Variants in LMF1 observed in about 807,000 individuals in gnomAD.
The protein encoded by LMF1 is transmembrane protein 112.
LMF1 carries 68 observed loss-of-function variants against 60.6 expected under a neutral mutation model. That is an observed-to-expected ratio of 1.12 (90% CI 0.92 to 1.37). The LOEUF is 1.37. Among genes scored for constraint, LMF1 ranks in the 40% most tolerant of loss-of-function variants. LMF1 has a pLI of 0.00. For missense variants in LMF1, 948 were observed against 767.2 expected (o/e 1.24, Z -2.78); for synonymous variants, 418 against 324.7 (o/e 1.29, Z -3.09).
intron 3 of LMF1, chr16:934,041 G>A (rs1215839148): frequency 6.6e-7 from 1 of 1,509,944 alleles, no homozygotes; most frequent in African/African-American, 1.4e-5. Flanking sequence ...TAGGTGCCCG[G>A]GGCCTGGAAG....
At chr16:857,223 C>T (rs1300715746) in intron 10 of LMF1, among the ~76,000 whole-genome samples, 1 of 152,240 alleles carries the variant, frequency 6.6e-6, no homozygotes, top group South Asian at 2.1e-4. Context: ...CCGTAAACCT[C>T]TGCACGGGTT....
upstream of LMF1, among the ~76,000 whole-genome samples, chr16:975,194 A>G (rs1470686205): frequency 6.6e-6 from 1 of 152,194 alleles, no homozygotes; most frequent in African/African-American, 2.4e-5. Flanking sequence ...CCTGCACCCC[A>G]GAAGGAGATG....
At chr16:860,215 C>G (rs576395570) in intron 10 of LMF1, among the ~76,000 whole-genome samples, 19 of 148,212 alleles carry the variant, frequency 1.3e-4, no homozygotes, top group Admixed American at 7.4e-4. Flanking sequence ...CTTAACAGGT[C>G]TTTTTATGGA....
intron 4 of LMF1, among the ~76,000 whole-genome samples, chr16:904,611 GT>G (rs1489991687): frequency 2.4e-3 from 115 of 46,988 alleles, no homozygotes; most frequent in African/African-American, 4.5e-3. Context: ...CTGCTGCGTG[GT>G]GGTGACCTCT....
chr16:907,998 T>TAGC (rs1281547748), intron 4 of LMF1, among the ~76,000 whole-genome samples: 2 of 152,244 alleles, frequency 1.3e-5, no homozygotes, highest in African/African-American at 2.4e-5. Context: ...TACAACCGCC[T>TAGC]GGCGGCTCCT....
intron 3 of LMF1, among the ~76,000 whole-genome samples, chr16:913,568 G>C (rs2071183321): frequency 6.6e-6 from 1 of 152,242 alleles, no homozygotes. Flanking sequence ...AGGCACAGCT[G>C]GGCACTGGTG....
At chr16:871,519 C>T (rs1958947269) in intron 6 of LMF1, 178 bp from the exon 7 acceptor site, 2 of 632,398 alleles carry the variant, frequency 3.2e-6, no homozygotes, top group South Asian at 3.9e-5. Context: ...GAGGGGACAG[C>T]AGATGCCTCA....
intron 1 of LMF1, among the ~76,000 whole-genome samples, chr16:959,380 G>A (rs575924803): frequency 3.3e-5 from 5 of 152,280 alleles, no homozygotes; most frequent in South Asian, 2.1e-4. Context: ...CCAGAGGGAC[G>A]GGAGACAGAC....
In LMF1 at chr16:936,910, T is replaced by G. The variant is rs546576957; in HGVS notation, c.504-2656A>C. Among the ~76,000 whole-genome samples, 18 of 152,294 alleles carry G rather than the reference T, an allele frequency of 1.2e-4. No homozygotes were observed. The South Asian group carries it at 3.7e-3, about 32-fold the overall frequency. On this transcript the variant is annotated intron_variant, in intron 2 of 10. Transcript: ENST00000262301. ...TAAGCCCAGGAGTTCCAGGCTGCAG[T>G]GAGCCAAGATCGCGCTACTATTGCA...
At chr16:859,486 G>C (rs1596832342) in intron 10 of LMF1, among the ~76,000 whole-genome samples, 2 of 99,246 alleles carry the variant, frequency 2.0e-5, no homozygotes, top group Non-Finnish European at 3.8e-5. Context: ...GGGTGTGAGT[G>C]GTGTCTCGGG....
At chr16:957,625 A>G (rs1343421766) in intron 1 of LMF1, among the ~76,000 whole-genome samples, 4 of 113,954 alleles carry the variant, frequency 3.5e-5, no homozygotes, top group Non-Finnish European at 5.6e-5. Context: ...TAAAAAGCCA[A>G]AATCATCTGG....
At chr16:876,253 G>A (rs1596879240) in intron 6 of LMF1, among the ~76,000 whole-genome samples, 1 of 152,268 alleles carries the variant, frequency 6.6e-6, no homozygotes, top group Non-Finnish European at 1.5e-5. Flanking sequence ...AGGGCAGGAA[G>A]CCAGTCCGCA....
chr16:899,208 C>CCGGAGGT (rs2070742795), intron 4 of LMF1: 1 of 152,242 alleles, frequency 6.6e-6, no homozygotes, highest in Non-Finnish European at 1.5e-5. Flanking sequence ...GCCAAAAACG[C>CCGGAGGT]CGGAGGTCGG....
In LMF1 at chr16:962,477, G is replaced by A. The variant is rs1409138588; in HGVS notation, c.194-7811C>T. On this transcript the variant is annotated intron_variant, in intron 1 of 10. Coordinates refer to ENST00000262301, the MANE Select transcript of LMF1 (RefSeq NM_022773.4). The surrounding 1 kb of genome is among the most constrained non-coding windows in gnomAD (Gnocchi z 4.5). ...CAGGGACCTGTCAGAGGGCACACCTGGCAGGCAGACCTTGGCCGGGTGATC... is the reference window on the plus strand; with the variant it reads ...CAGGGACCTGTCAGAGGGCACACCTAGCAGGCAGACCTTGGCCGGGTGATC... 6.6e-6 allele frequency among the ~76,000 whole-genome samples: 1 copy of A among 152,184 alleles called. No individual in the cohort carries two copies. Among genetic ancestry groups the A allele is most frequent in the East Asian group, 1.9e-4 (1 of 5,174 alleles).
chr16:965,561 C>T (rs1305742810), intron 1 of LMF1, among the ~76,000 whole-genome samples: 1 of 152,202 alleles, frequency 6.6e-6, no homozygotes, highest in Non-Finnish European at 1.5e-5. Flanking sequence ...CTTGAAGATG[C>T]CTCCTCAATG....
chr16:870,678 T>A, intron 8 of LMF1, 51 bp downstream of exon 8: 1 of 1,601,548 alleles, frequency 6.2e-7, no homozygotes, highest in Non-Finnish European at 8.5e-7. Context: ...TGGTCAGGGC[T>A]GAGTCTCCCC....
At chr16:886,851 G>A (rs1434434083) in intron 5 of LMF1, 1 of 60,452 alleles carries the variant, frequency 1.7e-5, no homozygotes, top group Non-Finnish European at 3.9e-5. Context: ...GGCCCCCGGC[G>A]TTCCCCAGGC....
intron 2 of LMF1, among the ~76,000 whole-genome samples, chr16:954,038 C>T (rs2573131): frequency 0.037 from 2,450 of 66,908 alleles, 523 homozygotes; most frequent in Non-Finnish European, 0.041. Context: ...CCAAACCAGC[C>T]TCCTACACGT....
At chr16:937,616 G>A (rs552384159) in intron 2 of LMF1, among the ~76,000 whole-genome samples, 2 of 152,328 alleles carry the variant, frequency 1.3e-5, no homozygotes, top group South Asian at 2.1e-4. Flanking sequence ...TGCTGCACAC[G>A]GCCCCAGCAC....
Sources: allele counts gnomAD v4.1 joint callset (sites outside exome capture counted in the v4.1 genomes callset), GRCh38; gene constraint gnomAD v4.1.1; non-coding constraint Gnocchi (gnomAD v3.1); transcripts MANE v1.5; gene names NCBI Gene and HGNC (gene_info 2026-07-23, HGNC 2026-07-21).